Variants in SCN1A observed in about 807,000 individuals in gnomAD.
SCN1A encodes sodium channel protein type 1 subunit alpha.
SCN1A carries 13 observed loss-of-function variants against 193.7 expected under a neutral mutation model. That is an observed-to-expected ratio of 0.07 (90% CI 0.04 to 0.11). SCN1A has a LOEUF of 0.11. Among genes scored for constraint, SCN1A ranks in the 10% least tolerant of loss-of-function variants. The pLI is 1.00. For missense variants in SCN1A, 1,432 were observed against 2,451.1 expected (o/e 0.58, Z 8.78); for synonymous variants, 781 against 843.6 (o/e 0.93, Z 1.29).
chr2:166,079,464 T>A (rs1685280380), intron 2 of SCN1A, among the ~76,000 whole-genome samples: 1 of 147,700 alleles, frequency 6.8e-6, no homozygotes, highest in East Asian at 2.0e-4. Flanking sequence ...ATCAATTCGG[T>A]TTCATCCTTT....
At chr2:166,016,085 T>A in intron 19 of SCN1A, 1 of 273,746 alleles carries the variant, frequency 3.7e-6, no homozygotes, top group Non-Finnish European at 7.1e-6. Flanking sequence ...AGAGAAAGCT[T>A]ACCTTAGAAG....
intron 1 of SCN1A, among the ~76,000 whole-genome samples, chr2:166,135,280 C>T (rs1330991709): frequency 2.6e-5 from 4 of 152,118 alleles, no homozygotes; most frequent in Non-Finnish European, 5.9e-5. Context: ...ATAAAGAGGA[C>T]TTTCTTTACT....
Position 165,995,943 on chromosome 2 carries a change from C to G in SCN1A, c.4581+70G>C, listed in dbSNP as rs1321287592. ...TTCTACTGGAAATGTTAGCTACTTTCTTTTTTGTGAGACAAGCATGCAAGT... is the reference window on the plus strand; with the variant it reads ...TTCTACTGGAAATGTTAGCTACTTTGTTTTTTGTGAGACAAGCATGCAAGT... On this transcript the variant is annotated intron_variant, in intron 27 of 28. Transcript: ENST00000674923. The G allele has an allele frequency of 1.9e-5, 20 of 1,064,444 alleles. No individual in the cohort carries two copies. The Admixed American group carries it at 3.3e-4, about 18-fold the overall frequency. The allele number at this position is 1,064,444 out of a possible 1,614,324, so 65.9% of individuals were successfully genotyped here.
At chr2:166,064,379 A>G (rs1683624168) in intron 4 of SCN1A, among the ~76,000 whole-genome samples, 1 of 152,180 alleles carries the variant, frequency 6.6e-6, no homozygotes, top group Admixed American at 6.5e-5. Flanking sequence ...GGCTGTTAAT[A>G]TGTTTGTTAC....
intron 2 of SCN1A, among the ~76,000 whole-genome samples, chr2:166,092,173 A>G (rs1686878850): frequency 6.6e-6 from 1 of 152,162 alleles, no homozygotes; most frequent in Non-Finnish European, 1.5e-5. Flanking sequence ...TAGAGACTAC[A>G]CTTTGAAAAT....
intron 2 of SCN1A, among the ~76,000 whole-genome samples, chr2:166,088,330 T>C: frequency 6.6e-6 from 1 of 152,160 alleles, no homozygotes; most frequent in East Asian, 1.9e-4. Context: ...TCCTGCATTC[T>C]CTCCATCTAA....
intron 12 of SCN1A, among the ~76,000 whole-genome samples, chr2:166,045,911 C>G (rs1160144536): frequency 6.6e-6 from 1 of 152,114 alleles, no homozygotes; most frequent in Admixed American, 6.6e-5. Context: ...GATAAGACAT[C>G]CAGTTCTCCA....
chr2:166,083,079 T>A (rs1204622140), intron 2 of SCN1A, among the ~76,000 whole-genome samples: 2 of 152,106 alleles, frequency 1.3e-5, no homozygotes, highest in South Asian at 2.1e-4. Context: ...ACTGTTGTGA[T>A]CTCACATAAC....
chr2:166,137,028 C>A (rs1691889102), intron 1 of SCN1A, among the ~76,000 whole-genome samples: 1 of 152,196 alleles, frequency 6.6e-6, no homozygotes, highest in African/African-American at 2.4e-5. Flanking sequence ...TTCTAACCTA[C>A]ATTTTAATAC....
In SCN1A at chr2:166,095,181, C is replaced by A. The variant is rs189899696; in HGVS notation, c.-141-17380G>T. 3.6e-3 allele frequency among the ~76,000 whole-genome samples: 555 copies of A among 152,218 alleles called. 6 individuals carry two copies. The highest frequency in any genetic ancestry group is 0.013 in the African/African-American group (522 of 41,532). On this transcript the variant is annotated intron_variant, in intron 2 of 28. Transcript: ENST00000674923. ...TGACAAACCTCCATACAATTGAAGG[C>A]AGTTATTATGTCTCTCTTTAGTTTT...
intron 12 of SCN1A, among the ~76,000 whole-genome samples, chr2:166,046,064 C>T (rs908061870): frequency 6.6e-6 from 1 of 152,038 alleles, no homozygotes; most frequent in African/African-American, 2.4e-5. Flanking sequence ...AGGGTAACCT[C>T]GATAAATTAA....
intron 2 of SCN1A, among the ~76,000 whole-genome samples, chr2:166,087,611 C>T (rs1686282966): frequency 6.6e-6 from 1 of 152,008 alleles, no homozygotes. Flanking sequence ...ATTCTGGTGC[C>T]ATGCTTCTTG....
chr2:166,079,342 A>G (rs1685267550), intron 2 of SCN1A, among the ~76,000 whole-genome samples: 1 of 150,066 alleles, frequency 6.7e-6, no homozygotes, highest in Non-Finnish European at 1.5e-5. Context: ...ACTTCCTTAA[A>G]TGGCCCTTGT....
chr2:166,081,378 T>G (rs189498810), intron 2 of SCN1A, among the ~76,000 whole-genome samples: 2 of 152,056 alleles, frequency 1.3e-5, no homozygotes, highest in African/African-American at 4.8e-5. Flanking sequence ...TGGCCTTTTA[T>G]AAGTAAATCA....
intron 1 of SCN1A, among the ~76,000 whole-genome samples, chr2:166,148,307 A>G (rs533453654): frequency 6.6e-6 from 1 of 152,320 alleles, no homozygotes; most frequent in African/African-American, 2.4e-5. Flanking sequence ...GCTTTTCTGC[A>G]GCATTCAATA....
intron 1 of SCN1A, among the ~76,000 whole-genome samples, chr2:166,146,120 G>A (rs888486734): frequency 5.3e-5 from 8 of 152,138 alleles, no homozygotes; most frequent in Non-Finnish European, 1.2e-4. Flanking sequence ...GTTAGGTGTA[G>A]TATACATGAA....
rs1357611714 is a variant in SCN1A at position 166,012,466 on chromosome 2, T to C, written c.3706-184A>G. ...ACTTATTTAATCAGGGGAAAGACTA[T>C]TGGTGGAAGAAAAAGAAAAGTATGA... On this transcript the variant is annotated intron_variant, in intron 21 of 28. Coordinates refer to ENST00000674923, the MANE Select transcript of SCN1A (RefSeq NM_001165963.4). Among the ~76,000 whole-genome samples the C allele has an allele frequency of 2.0e-5, 3 of 150,988 alleles. No individual in the cohort carries two copies. In the Admixed American group the frequency reaches 2.0e-4, roughly 10 times the overall value.
rs372758412 is a variant in SCN1A at position 166,080,078 on chromosome 2, AT to A, written c.-141-2278del. On this transcript the variant is annotated intron_variant, in intron 2 of 28. Transcript: ENST00000674923. ...AAAATTGTTCTAAATTACATTTGAA[AT>A]CTGTACTTATTCTATTAAAATACAG... Among the ~76,000 whole-genome samples, 388 of 151,788 alleles carry A rather than the reference AT, an allele frequency of 2.6e-3. 5 individuals carry two copies. Among genetic ancestry groups the A allele is most frequent in the Middle Eastern group, 0.02 (6 of 294 alleles).
rs1689413612 is a variant in SCN1A at position 165,992,617 on chromosome 2, A to T, written c.4853-195T>A. Reference sequence around the variant, plus strand: ...AATTTTGAAATTCAGCAATAATTTCAATTATAAGGATTATAGTACTTTTTT... The same window carrying T: ...AATTTTGAAATTCAGCAATAATTTCTATTATAAGGATTATAGTACTTTTTT... On this transcript the variant is annotated intron_variant, in intron 28 of 28. Transcript: ENST00000674923. This position sits in a 1 kb window ranked among gnomAD's most constrained non-coding sequence, Gnocchi z 6.5. 1 of 280,956 alleles carries T rather than the reference A, an allele frequency of 3.6e-6. No homozygotes were observed. The highest frequency in any genetic ancestry group is 5.4e-5 in the Admixed American group (1 of 18,456). The allele number at this position is 280,956 out of a possible 1,614,324, so 17.4% of individuals were successfully genotyped here.
Sources: gnomAD v4.1 joint callset for allele counts (sites outside exome capture counted in the v4.1 genomes callset) on GRCh38, gnomAD v4.1.1 for gene constraint, Gnocchi (gnomAD v3.1) non-coding constraint, MANE v1.5 for transcripts, NCBI Gene and HGNC (gene_info 2026-07-23, HGNC 2026-07-21) for gene names.